The following STAG1 variants were observed in gnomAD, a reference collection of about 807,000 sequenced individuals.
STAG1 encodes cohesin subunit SA-1.
Under a neutral mutation model 170.9 loss-of-function variants are expected in STAG1, and 26 were observed. That is an observed-to-expected ratio of 0.15 (90% CI 0.11 to 0.21). The LOEUF (loss-of-function observed/expected upper bound fraction) is 0.21, where lower values mean the gene tolerates loss of function less well. STAG1 is among the 10% of genes least tolerant of loss of function. The pLI is 1.00. For synonymous variants in STAG1, 514 were observed against 497.7 expected (o/e 1.03, Z -0.44); for missense variants, 964 against 1,509.5 (o/e 0.64, Z 5.99).
chr3:136,338,021 G>C lies in STAG1; in HGVS notation c.*233C>G. The C allele has an allele frequency of 1.9e-6, 1 of 518,266 alleles. No homozygotes were observed. The highest frequency in any genetic ancestry group is 3.4e-6 in the Non-Finnish European group (1 of 291,010). The allele number at this position is 518,266 out of a possible 1,614,324, so 32.1% of individuals were successfully genotyped here. A position where few individuals can be genotyped will look rare whatever the true frequency, so the allele number is the denominator to read the frequency against. On this transcript the variant is annotated 3_prime_UTR_variant, in exon 34 of 34. Coordinates refer to ENST00000383202, the MANE Select transcript of STAG1 (RefSeq NM_005862.3). ...CATCTGTATTGGGATAAGTCCAATA[G>C]TAGGACACAAATGATTTTCAGGTCA...
intron 7 of STAG1, among the ~76,000 whole-genome samples, chr3:136,519,864 G>C (rs1290371804): frequency 6.6e-6 from 1 of 151,840 alleles, no homozygotes; most frequent in Non-Finnish European, 1.5e-5. Context: ...TTCTACATAG[G>C]TATTTTTCAA....
At chr3:136,528,502 C>CT (rs796340809) in intron 6 of STAG1, among the ~76,000 whole-genome samples, 1 of 144,324 alleles carries the variant, frequency 6.9e-6, no homozygotes, top group Non-Finnish European at 1.5e-5. Flanking sequence ...GCACCCCCCC[C>CT]CCCAAAAAAT....
intron 21 of STAG1, among the ~76,000 whole-genome samples, chr3:136,413,750 G>A (rs2087695145): frequency 6.6e-6 from 1 of 152,114 alleles, no homozygotes; most frequent in Non-Finnish European, 1.5e-5. Flanking sequence ...GTGCCACCAT[G>A]CCTGGTCAGT....
intron 5 of STAG1, among the ~76,000 whole-genome samples, chr3:136,551,126 T>C (rs1936361290): frequency 1.3e-5 from 2 of 151,932 alleles, no homozygotes; most frequent in South Asian, 4.2e-4. Flanking sequence ...TTCATTTCCT[T>C]TAAGATGATT....
chr3:136,461,296 T>C (rs926491475), intron 13 of STAG1, among the ~76,000 whole-genome samples: 1 of 152,156 alleles, frequency 6.6e-6, no homozygotes, highest in Non-Finnish European at 1.5e-5. Context: ...TTCACCACTT[T>C]TATACAACAT....
chr3:136,403,264 GA>G (rs1285780395), intron 21 of STAG1, among the ~76,000 whole-genome samples: 66 of 89,800 alleles, frequency 7.3e-4, no homozygotes, highest in East Asian at 1.5e-3. Flanking sequence ...GAAAAGAAAA[GA>G]AAAAAAAAAG....
intron 1 of STAG1, among the ~76,000 whole-genome samples, chr3:136,676,927 ACAGGGT>A (rs1308367514): frequency 6.6e-6 from 1 of 152,116 alleles, no homozygotes; most frequent in Non-Finnish European, 1.5e-5. Context: ...CTAGACCTAC[ACAGGGT>A]CAGGATCATC....
At chr3:136,556,026 C>A (rs1358330305) in intron 5 of STAG1, among the ~76,000 whole-genome samples, 1 of 152,076 alleles carries the variant, frequency 6.6e-6, no homozygotes, top group Non-Finnish European at 1.5e-5. Flanking sequence ...ATATCATGAC[C>A]AAGTTGAATT....
chr3:136,490,630 AC>A (rs2090107063), intron 9 of STAG1, among the ~76,000 whole-genome samples: 1 of 152,152 alleles, frequency 6.6e-6, no homozygotes. Flanking sequence ...TAGCAACCTG[AC>A]CCCCACATTA....
At chr3:136,512,895 GA>G (rs1432871915) in intron 7 of STAG1, among the ~76,000 whole-genome samples, 1 of 152,076 alleles carries the variant, frequency 6.6e-6, no homozygotes, top group Non-Finnish European at 1.5e-5. Flanking sequence ...ACAGAGCCAA[GA>G]AACAAATATT....
intron 6 of STAG1, among the ~76,000 whole-genome samples, chr3:136,528,959 A>C (rs1193469568): frequency 6.6e-6 from 1 of 151,968 alleles, no homozygotes; most frequent in Admixed American, 6.6e-5. Context: ...AAAACAAAAA[A>C]AAACAGAAAA....
Position 136,604,386 on chromosome 3 carries a change from C to T in STAG1, c.220G>A (p.Gly74Arg). The change falls in exon 4 of 34, where the codon GGA (glycine) becomes AGA (arginine). Residue 74 changes from glycine to arginine, a missense_variant. Gly to Arg is a moderately radical substitution (Grantham distance 125). This residue lies in a region of STAG1 where 108 missense variants were observed against 120.2 expected (regional missense o/e 0.90). Transcript: ENST00000383202. ...CCTTCCCCATTCTGTTGAGGGTGTC[C>T]ATTAGCTCTTCCACGGCCTGCTCCT... ...IRGAGRGRAN[G>R]HPQQNGEGEP... 6.2e-7 allele frequency: 1 copy of T among 1,613,718 alleles called. No homozygotes were observed. The highest frequency in any genetic ancestry group is 8.5e-7 in the Non-Finnish European group (1 of 1,179,808).
At chr3:136,601,432 G>A (rs1938671162) in intron 4 of STAG1, among the ~76,000 whole-genome samples, 1 of 152,166 alleles carries the variant, frequency 6.6e-6, no homozygotes, top group South Asian at 2.1e-4. Context: ...GTAAGAAGAA[G>A]TTGAAAGGTG....
At chr3:136,493,414 G>C (rs1045019552) in intron 9 of STAG1, among the ~76,000 whole-genome samples, 10 of 151,952 alleles carry the variant, frequency 6.6e-5, no homozygotes, top group African/African-American at 2.4e-4. Context: ...CATCACTTTG[G>C]GAGGCTAAGG....
At chr3:136,430,830 C>CACACAT (rs1297483422) in intron 16 of STAG1, among the ~76,000 whole-genome samples, 2 of 128,292 alleles carry the variant, frequency 1.6e-5, no homozygotes, top group Non-Finnish European at 3.6e-5. Flanking sequence ...CACACACACA[C>CACACAT]ACACACACAC....
At chr3:136,616,878 A>G (rs2107823674) in intron 3 of STAG1, among the ~76,000 whole-genome samples, 1 of 152,336 alleles carries the variant, frequency 6.6e-6, no homozygotes, top group Middle Eastern at 3.4e-3. Flanking sequence ...ATAATGAACA[A>G]TATAGAAAGT....
intron 6 of STAG1, among the ~76,000 whole-genome samples, chr3:136,521,917 C>G (rs930081516): frequency 1.3e-5 from 2 of 152,092 alleles, no homozygotes; most frequent in African/African-American, 2.4e-5. Context: ...AAATTCCAAC[C>G]AAATTTCCTC....
intron 1 of STAG1, among the ~76,000 whole-genome samples, chr3:136,661,260 T>C (rs568770247): frequency 9.8e-5 from 15 of 152,328 alleles, no homozygotes; most frequent in African/African-American, 3.4e-4. Flanking sequence ...GAAAATATAG[T>C]ACATTTCTAT....
chr3:136,695,319 C>T (rs1156474873), intron 1 of STAG1, among the ~76,000 whole-genome samples: 1 of 151,818 alleles, frequency 6.6e-6, no homozygotes, highest in African/African-American at 2.4e-5. Context: ...AGCCTGTAGT[C>T]CCAGCTACTC....
Sources: allele counts gnomAD v4.1 joint callset (sites outside exome capture counted in the v4.1 genomes callset), GRCh38; gene constraint gnomAD v4.1.1; regional missense constraint gnomAD v4.1.1; transcripts MANE v1.5; gene names NCBI Gene and HGNC (gene_info 2026-07-23, HGNC 2026-07-21).